TYRO3: variants seen among roughly 807,000 people sequenced by gnomAD.
TYRO3 encodes the protein TYRO3 protein tyrosine kinase.
A neutral mutation model predicts 95.2 loss-of-function variants in TYRO3; 38 were observed. The ratio of observed to expected loss-of-function variants is 0.40; its 90% CI spans 0.31 to 0.52. The LOEUF (loss-of-function observed/expected upper bound fraction) is 0.52, where lower values mean the gene tolerates loss of function less well. TYRO3 is among the 20% of genes least tolerant of loss of function. The pLI is 0.56. For missense variants in TYRO3, 812 were observed against 1,116.4 expected (o/e 0.73, Z 3.89); for synonymous variants, 367 against 432.9 (o/e 0.85, Z 1.89).
chr15:41,575,245 G>C (rs4924555), intron 18 of TYRO3, among the ~76,000 whole-genome samples: 144,681 of 152,332 alleles, frequency 0.95, 69,073 homozygotes, highest in Non-Finnish European at 1. Context: ...ATCTTGAGTA[G>C]ACAAGCCAGG....
intron 16 of TYRO3, 45 bp from the exon 17 acceptor site, chr15:41,573,263 T>C: frequency 2.0e-6 from 3 of 1,512,224 alleles, no homozygotes; most frequent in Non-Finnish European, 2.7e-6. Context: ...TGTGGGCCTG[T>C]GAGCATGGCA....
rs199641637 is a variant in TYRO3, at chr15:41,568,928, C to T, written c.1158C>T (p.Pro386=). ...GGGCCAATTTGACAGGCTGGGATCC[C>T]CAAAAGGACCTGATCGTACGTGTGT... ...GTRANLTGWD[P]QKDLIVRVCV... Residue 386 remains proline (P), a synonymous_variant, in exon 9 of 19, where the codon CCC becomes CCT. Coordinates refer to ENST00000263798, the MANE Select transcript of TYRO3 (RefSeq NM_006293.4). 84 of 1,613,346 alleles carry T rather than the reference C, an allele frequency of 5.2e-5. No individual in the cohort carries two copies. The Middle Eastern group carries it at 5.5e-4, about 11-fold the overall frequency.
rs540635438 is a variant in TYRO3 at position 41,571,713 on chromosome 15, A to G, written c.1753+26A>G. 2.9e-6 allele frequency: 4 copies of G among 1,395,312 alleles called. No individual in the cohort carries two copies. In the South Asian group the frequency reaches 3.5e-5, roughly 12 times the overall value. 86.4% of individuals were successfully genotyped at this position (1,395,312 alleles called of 1,614,324 possible). A position where few individuals can be genotyped will look rare whatever the true frequency, so the allele number is the denominator to read the frequency against. ...GTGAGCCCATTTTTGGGGGAGGCAG[A>G]TAGAGAATAGGGCTAAAAATATGCT... is the stretch of plus-strand genomic sequence containing the variant. On this transcript the variant is annotated intron_variant, in intron 14 of 18. Transcript: ENST00000263798.
At chr15:41,568,489 TTCCTC>T in intron 8 of TYRO3, 127 bp downstream of exon 8, 1 of 953,124 alleles carries the variant, frequency 1.0e-6, no homozygotes, top group Non-Finnish European at 1.5e-6. Context: ...AGGGAATCCT[TTCCTC>T]CTCACCCTCC....
chr15:41,562,867 C>T, intron 4 of TYRO3, 149 bp downstream of exon 4: 5 of 813,716 alleles, frequency 6.1e-6, no homozygotes, highest in South Asian at 3.6e-5. Context: ...CATTACTAAG[C>T]TCATTAGTCA....
Position 41,571,701 on chromosome 15 carries a change from T to G in TYRO3, c.1753+14T>G, listed in dbSNP as rs760403251. On this transcript the variant is annotated intron_variant, in intron 14 of 18. Transcript: ENST00000263798. ...CCAAACTTGTTGGTGAGCCCATTTTTGGGGGAGGCAGATAGAGAATAGGGC... is the reference window on the plus strand; with the variant it reads ...CCAAACTTGTTGGTGAGCCCATTTTGGGGGGAGGCAGATAGAGAATAGGGC... 5 of 1,114,876 alleles carry G rather than the reference T, an allele frequency of 4.5e-6. No individual in the cohort carries two copies. The highest frequency in any genetic ancestry group is 6.6e-6 in the Non-Finnish European group (5 of 757,346). The allele number at this position is 1,114,876 out of a possible 1,614,324, so 69.1% of individuals were successfully genotyped here.
chr15:41,569,295 ATT>A (rs764035894), intron 9 of TYRO3, among the ~76,000 whole-genome samples: 11 of 122,058 alleles, frequency 9.0e-5, no homozygotes, highest in Admixed American at 1.6e-4. Context: ...CTACAAAAAA[ATT>A]AAAAAAAAAA....
Position 41,561,109 on chromosome 15 carries a change from TTCC to T in TYRO3, c.125-16_125-14del, listed in dbSNP as rs2055646728. The stretch of plus-strand genomic sequence containing the variant: ...GAGTCCCTCTCAAGGCTGACACATG[TTCC>T]TTCCCACCCCTCAGGTCTGAAGCTC... On this transcript the variant is annotated splice_polypyrimidine_tract_variant and intron_variant, in intron 1 of 18. Coordinates refer to ENST00000263798, the MANE Select transcript of TYRO3 (RefSeq NM_006293.4). 9.7e-7 allele frequency: 1 copy of T among 1,030,204 alleles called. No homozygotes were observed. Among genetic ancestry groups the T allele is most frequent in the Non-Finnish European group, 1.5e-6 (1 of 689,454 alleles). 63.8% of individuals were successfully genotyped at this position (1,030,204 alleles called of 1,614,324 possible).
chr15:41,564,789 C>A (rs115828781), intron 5 of TYRO3: 6,905 of 522,904 alleles, frequency 0.013, 398 homozygotes, highest in African/African-American at 0.12. Flanking sequence ...TTACACAGGG[C>A]CTTCGTGGCA....
At chr15:41,561,003 C>G (rs2055645454) in intron 1 of TYRO3, 124 bp from the exon 2 acceptor site, 1 of 1,236,214 alleles carries the variant, frequency 8.1e-7, no homozygotes, top group South Asian at 1.3e-5. Flanking sequence ...CCTCTGCTTC[C>G]TTGACTTTGG....
At chr15:41,570,385 G>T (rs1225656875) in intron 11 of TYRO3, 45 bp downstream of exon 11, 2 of 1,581,896 alleles carry the variant, frequency 1.3e-6, no homozygotes, top group South Asian at 1.1e-5. Context: ...GCTGTCTTGT[G>T]CCCCATCTGC....
intron 17 of TYRO3, 66 bp downstream of exon 17, chr15:41,573,533 G>A: frequency 6.3e-7 from 1 of 1,576,170 alleles, no homozygotes; most frequent in Non-Finnish European, 8.7e-7. Context: ...GGATCCTTAA[G>A]GGCCTAGCCA....
intron 4 of TYRO3, among the ~76,000 whole-genome samples, chr15:41,562,954 T>G (rs2055676978): frequency 1.3e-5 from 2 of 152,232 alleles, no homozygotes; most frequent in East Asian, 3.9e-4. Flanking sequence ...GGGGCCACCT[T>G]TGGTTCACAG....
At chr15:41,564,434 T>G (rs1229425216) in intron 5 of TYRO3, among the ~76,000 whole-genome samples, 164 bp downstream of exon 5, 1 of 152,190 alleles carries the variant, frequency 6.6e-6, no homozygotes, top group African/African-American at 2.4e-5. Context: ...TGGGAGCACC[T>G]GAGACCCTGC....
intron 6 of TYRO3, 138 bp from the exon 7 acceptor site, chr15:41,567,222 G>C: frequency 1.7e-6 from 1 of 580,836 alleles, no homozygotes; most frequent in East Asian, 3.3e-5. Context: ...TATTGGGGTG[G>C]GGGCAGATGG....
In TYRO3 at chr15:41,561,605, C is replaced by G. The variant is rs987305034; in HGVS notation, c.375C>G (p.Thr125=). The change falls in exon 3 of 19, where the codon ACC becomes ACG. Residue 125 remains threonine, a synonymous_variant. Coordinates refer to ENST00000263798, the MANE Select transcript of TYRO3 (RefSeq NM_006293.4). The part of the protein sequence containing the change: ...YWCQVEDGGE[T]EISQPVWLTV... ...GCCAGGTGGAGGATGGGGGTGAAAC[C>G]GAGATCTCCCAGCCAGTGTGGCTCA... 1 of 1,592,454 alleles carries G rather than the reference C, an allele frequency of 6.3e-7. No homozygotes were observed. The highest frequency in any genetic ancestry group is 8.5e-7 in the Non-Finnish European group (1 of 1,171,308).
intron 5 of TYRO3, 103 bp downstream of exon 5, chr15:41,564,373 C>T (rs2032445231): frequency 4.3e-6 from 5 of 1,167,224 alleles, no homozygotes; most frequent in Non-Finnish European, 6.3e-6. Context: ...CCTTGTGGTC[C>T]TGCTGGGATC....
Position 41,578,347 on chromosome 15 carries a change from T to C in TYRO3, c.*71T>C. The C allele has an allele frequency of 6.3e-7, 1 of 1,582,648 alleles. No homozygotes were observed. Among genetic ancestry groups the C allele is most frequent in the South Asian group, 1.2e-5 (1 of 86,298 alleles). ...CACTGAGCTGGCTGACTAAGCCCCG[T>C]CTGACCCCAGCCCAGACAGCAAGGT... On this transcript the variant is annotated 3_prime_UTR_variant, in exon 19 of 19. Transcript: ENST00000263798.
chr15:41,569,889 C>T lies in TYRO3; in HGVS notation c.1253-138C>T, dbSNP rs572243822. On this transcript the variant is annotated intron_variant, in intron 9 of 18. Coordinates refer to ENST00000263798, the MANE Select transcript of TYRO3 (RefSeq NM_006293.4). ...CAGGTAGGAAGGACTCTTAGGCATT[C>T]CTCTGGAGCCCCTTTCCCTCAGGAC... 9 of 1,106,150 alleles carry T rather than the reference C, an allele frequency of 8.1e-6. No homozygotes were observed. The African/African-American group carries it at 9.5e-5, about 12-fold the overall frequency. The allele number at this position is 1,106,150 out of a possible 1,614,324, so 68.5% of individuals were successfully genotyped here.
Sources: allele counts gnomAD v4.1 joint callset (sites outside exome capture counted in the v4.1 genomes callset), GRCh38; gene constraint gnomAD v4.1.1; transcripts MANE v1.5; gene names NCBI Gene and HGNC (gene_info 2026-07-23, HGNC 2026-07-21).